MICAL3: variants seen among roughly 807,000 people sequenced by gnomAD.
MICAL3 encodes microtubule associated monooxygenase, calponin and LIM domain containing 3, also known as [F-actin]-monooxygenase MICAL3.
A neutral mutation model predicts 207.4 loss-of-function variants in MICAL3; 62 were observed. That is an observed-to-expected ratio of 0.30 (90% CI 0.24 to 0.37). The LOEUF is 0.37. MICAL3 is among the 10% of genes least tolerant of loss of function. MICAL3 has a pLI of 1.00. For missense variants in MICAL3, 2,368 were observed against 2,635.6 expected, an observed-to-expected ratio of 0.90 and a Z score of 2.22; for synonymous variants, 1,077 against 1,069.3, an observed-to-expected ratio of 1.01 and a Z score of -0.14.
At chr22:17,994,021 C>T (rs375159621) in intron 1 of MICAL3, among the ~76,000 whole-genome samples, 20 of 152,208 alleles carry the variant, frequency 1.3e-4, no homozygotes, top group Non-Finnish European at 2.2e-4. Flanking sequence ...CCCGTCTGTC[C>T]GCTGTGGTGA....
rs1319522658 is a variant in MICAL3 at position 17,902,500 on chromosome 22, G to A, written c.589+131C>T. ...ACATCTAAGGCTGCATCCAGGCCAA[G>A]TCCCCAAAGGCACAGGCTTTGGCTA... On this transcript the variant is annotated intron_variant, in intron 4 of 31. Transcript: ENST00000441493. This position sits in a 1 kb window ranked among gnomAD's most constrained non-coding sequence, Gnocchi z 4.5. 3.5e-6 allele frequency: 2 copies of A among 578,078 alleles called. No homozygotes were observed. Among genetic ancestry groups the A allele is most frequent in the African/African-American group, 3.7e-5 (2 of 53,348 alleles). 35.8% of individuals were successfully genotyped at this position (578,078 alleles called of 1,614,324 possible).
At chr22:17,869,520 C>T (rs546162694) in intron 17 of MICAL3, among the ~76,000 whole-genome samples, 71 of 152,220 alleles carry the variant, frequency 4.7e-4, no homozygotes, top group African/African-American at 1.5e-3. Context: ...GAGCTGGCAG[C>T]GATCACAAAT....
At chr22:17,947,891 C>T (rs755328222) in intron 1 of MICAL3, among the ~76,000 whole-genome samples, 9 of 152,090 alleles carry the variant, frequency 5.9e-5, no homozygotes, top group Non-Finnish European at 1.0e-4. Context: ...ATCTTCAAAC[C>T]GCTTCAAATA....
At chr22:17,832,904 C>T (rs1922957797) in intron 20 of MICAL3, among the ~76,000 whole-genome samples, 2 of 152,168 alleles carry the variant, frequency 1.3e-5, no homozygotes, top group South Asian at 4.1e-4. Flanking sequence ...GAAATGACGG[C>T]AAAGGCACCG....
chr22:17,969,198 C>T (rs1488369490), intron 1 of MICAL3, among the ~76,000 whole-genome samples: 1 of 152,190 alleles, frequency 6.6e-6, no homozygotes, highest in East Asian at 1.9e-4. Flanking sequence ...CGCCACCACA[C>T]CCAGCTAATT....
chr22:17,941,939 G>A (rs933425414), intron 1 of MICAL3, among the ~76,000 whole-genome samples: 3 of 152,196 alleles, frequency 2.0e-5, no homozygotes, highest in Non-Finnish European at 4.4e-5. Flanking sequence ...AGCGGAACAG[G>A]CAGAGGTTCA....
Position 17,896,320 on chromosome 22 carries a change from T to C in MICAL3, c.1248A>G (p.Leu416=), listed in dbSNP as rs760641753. 40 of 1,560,394 alleles carry C rather than the reference T, an allele frequency of 2.6e-5. No individual in the cohort carries two copies. Among genetic ancestry groups the C allele is most frequent in the Non-Finnish European group, 2.3e-5 (26 of 1,151,764 alleles). Residue 416 remains leucine, a synonymous_variant, in exon 9 of 32, where the codon CTA becomes CTG. Coordinates refer to ENST00000441493, the MANE Select transcript of MICAL3 (RefSeq NM_015241.3). ...CCATCCAGGCAGAGTCCATAGCAGC[T>C]AGAAAGCCCCGGGCTATTCCTGTTC... is the stretch of plus-strand genomic sequence containing the variant. The part of the protein sequence containing the change: ...PMGTGIARGF[L]AAMDSAWMVR...
In MICAL3 at chr22:17,818,414, T is replaced by G. The variant is rs1009033091; in HGVS notation, c.4247A>C (p.Gln1416Pro). ...GCTGGACAGCTCCCTGCGCTCCTCC[T>G]GGGCGCTGCGTAGCTCTCTGTCGGA... ...SPSDRELRSA[Q>P]EERRELSSSS... is the part of the protein sequence containing the mutation. The change falls in exon 26 of 32, where the codon CAG becomes CCG. Residue 1416 changes from glutamine to proline, a missense_variant. Physicochemically the swap from Gln to Pro is moderately conservative, Grantham distance 76 (BLOSUM62 -1). Around this residue, in one of 4 missense-constraint regions of MICAL3, gnomAD observed 1,770 missense variants for 1,863.2 expected, o/e 0.95. Coordinates refer to ENST00000441493, the MANE Select transcript of MICAL3 (RefSeq NM_015241.3). 1 of 1,612,120 alleles carries G rather than the reference T, an allele frequency of 6.2e-7. No homozygotes were observed. The highest frequency in any genetic ancestry group is 1.7e-5 in the Admixed American group (1 of 60,024).
intron 1 of MICAL3, among the ~76,000 whole-genome samples, chr22:17,907,469 T>C (rs887635294): frequency 6.6e-6 from 1 of 152,196 alleles, no homozygotes; most frequent in Non-Finnish European, 1.5e-5. Context: ...AGTGAGCCCC[T>C]TCCTCACCTG....
intron 1 of MICAL3, among the ~76,000 whole-genome samples, chr22:17,981,727 G>A (rs1478132299): frequency 6.6e-6 from 1 of 152,182 alleles, no homozygotes; most frequent in African/African-American, 2.4e-5. Flanking sequence ...TGGCACAGGC[G>A]ATGCTAAGGT....
chr22:17,937,434 T>A (rs1933590102), intron 1 of MICAL3, among the ~76,000 whole-genome samples: 1 of 152,238 alleles, frequency 6.6e-6, no homozygotes, highest in African/African-American at 2.4e-5. Flanking sequence ...GAGGCCAAGG[T>A]GGGCAGATCA....
At chr22:17,969,292 G>C (rs1935295623) in intron 1 of MICAL3, among the ~76,000 whole-genome samples, 1 of 152,198 alleles carries the variant, frequency 6.6e-6, no homozygotes, top group Admixed American at 6.5e-5. Context: ...ACCTGCCTCG[G>C]CCTCCCAAAG....
chr22:17,894,822 T>G (rs996865867), intron 10 of MICAL3, among the ~76,000 whole-genome samples: 1 of 149,694 alleles, frequency 6.7e-6, no homozygotes, highest in African/African-American at 2.5e-5. Context: ...AAAATTACAC[T>G]AGAACAAATT....
chr22:18,019,764 C>G, intron 1 of MICAL3: 1 of 206,252 alleles, frequency 4.8e-6, no homozygotes, highest in Non-Finnish European at 1.0e-5. Flanking sequence ...TGGAATGCGG[C>G]TTTTTTGGAA....
chr22:17,912,137 T>C (rs1377436264), intron 1 of MICAL3, among the ~76,000 whole-genome samples: 3 of 152,162 alleles, frequency 2.0e-5, no homozygotes, highest in Non-Finnish European at 4.4e-5. Flanking sequence ...CAAAACATAG[T>C]TTGACCATAT....
rs775985837 is a variant in MICAL3 at position 17,886,009 on chromosome 22, C to T, written c.2110G>A (p.Val704Met). 1.2e-6 allele frequency: 2 copies of T among 1,614,068 alleles called. No individual in the cohort carries two copies. The highest frequency in any genetic ancestry group is 1.7e-6 in the Non-Finnish European group (2 of 1,179,916). The change falls in exon 16 of 32, where the codon GTG becomes ATG. Residue 704 changes from valine to methionine, a missense_variant. Val to Met is a conservative substitution (Grantham distance 21, BLOSUM62 1). Transcript: ENST00000441493. The stretch of plus-strand genomic sequence containing the variant: ...ATCCTCCTGTCTGTCAGAGTGCTCA[C>T]CAGGGTCGGTCTTTCTCCTCTGTGG... ...RGHRGERPTL[V>M]STLTDRRMDV...
chr22:17,888,396 C>A (rs768091986), intron 13 of MICAL3, among the ~76,000 whole-genome samples: 3 of 151,626 alleles, frequency 2.0e-5, no homozygotes, highest in Non-Finnish European at 4.4e-5. Context: ...AGCTGAGAGA[C>A]AAGCAAAGAT....
At chr22:17,867,623 C>G (rs1927284846) in intron 17 of MICAL3, among the ~76,000 whole-genome samples, 1 of 152,228 alleles carries the variant, frequency 6.6e-6, no homozygotes, top group South Asian at 2.1e-4. Flanking sequence ...GCAACTCACT[C>G]CCTCCACCCC....
chr22:17,791,625 C>A, intron 29 of MICAL3: 1 of 359,170 alleles, frequency 2.8e-6, no homozygotes, highest in African/African-American at 2.1e-5. Flanking sequence ...TCTTTTTTGC[C>A]ACTCAATGTT....
Sources: gnomAD v4.1 joint callset for allele counts (sites outside exome capture counted in the v4.1 genomes callset) on GRCh38, gnomAD v4.1.1 for gene constraint, gnomAD v4.1.1 regional missense constraint, Gnocchi (gnomAD v3.1) non-coding constraint, MANE v1.5 for transcripts, NCBI Gene and HGNC (gene_info 2026-07-23, HGNC 2026-07-21) for gene names.